GRID2: variants seen among roughly 807,000 people sequenced by gnomAD.
GRID2 encodes the protein glutamate ionotropic receptor delta type subunit 2, also known as glutamate receptor ionotropic, delta-2.
Under a neutral mutation model 114.8 loss-of-function variants are expected in GRID2, and 33 were observed. The observed-to-expected ratio is 0.29, with a 90% CI of 0.22 to 0.38. GRID2 has a LOEUF of 0.38. GRID2 is among the 10% of genes least tolerant of loss of function. The pLI is 1.00. For synonymous variants in GRID2, 505 were observed against 449.9 expected (o/e 1.12, Z -1.55); for missense variants, 1,184 against 1,257.7 (o/e 0.94, Z 0.89).
At chr4:93,537,231 T>C (rs1732180421) in intron 13 of GRID2, among the ~76,000 whole-genome samples, 1 of 151,750 alleles carries the variant, frequency 6.6e-6, no homozygotes, top group Admixed American at 6.6e-5. Context: ...TCTAAGGCTA[T>C]TTTCATTTTC....
At chr4:92,786,859 C>A (rs542655684) in intron 2 of GRID2, among the ~76,000 whole-genome samples, 1 of 151,936 alleles carries the variant, frequency 6.6e-6, no homozygotes, top group East Asian at 1.9e-4. Flanking sequence ...TAACCGAAAG[C>A]TCAATTAAAT....
At chr4:93,169,969 C>A (rs1431245168) in intron 4 of GRID2, among the ~76,000 whole-genome samples, 2 of 152,196 alleles carry the variant, frequency 1.3e-5, no homozygotes, top group African/African-American at 4.8e-5. Context: ...TACAATAACA[C>A]AGGTTTAACT....
At chr4:92,508,283 A>G (rs1018860806) in intron 1 of GRID2, among the ~76,000 whole-genome samples, 1 of 151,980 alleles carries the variant, frequency 6.6e-6, no homozygotes, top group Non-Finnish European at 1.5e-5. Context: ...AACCTTCTAC[A>G]TACCACTCAT....
chr4:92,585,344 T>C (rs1728380157), intron 1 of GRID2, among the ~76,000 whole-genome samples: 1 of 152,036 alleles, frequency 6.6e-6, no homozygotes. Flanking sequence ...ACCTACCATA[T>C]ATAATTTATA....
chr4:93,508,807 A>C (rs910734828), intron 12 of GRID2, among the ~76,000 whole-genome samples: 3 of 152,218 alleles, frequency 2.0e-5, no homozygotes, highest in Non-Finnish European at 2.9e-5. Flanking sequence ...ACAATGCTGA[A>C]ATGTGAACAT....
At chr4:92,666,865 C>T (rs1286199652) in intron 2 of GRID2, among the ~76,000 whole-genome samples, 1 of 151,088 alleles carries the variant, frequency 6.6e-6, no homozygotes, top group Non-Finnish European at 1.5e-5. Flanking sequence ...AAAGAAAATG[C>T]TACTTGGAAC....
At chr4:92,825,518 A>G (rs1191726619) in intron 2 of GRID2, among the ~76,000 whole-genome samples, 1 of 152,166 alleles carries the variant, frequency 6.6e-6, no homozygotes, top group Non-Finnish European at 1.5e-5. Flanking sequence ...AGGCTTCTGC[A>G]GTCTTGTCTG....
chr4:92,949,299 T>C (rs1209695795), intron 2 of GRID2, among the ~76,000 whole-genome samples: 1 of 152,048 alleles, frequency 6.6e-6, no homozygotes, highest in Non-Finnish European at 1.5e-5. Flanking sequence ...AAATTTAAAA[T>C]AAAAATAGGG....
At chr4:93,469,867 A>G (rs2200374) in intron 11 of GRID2, among the ~76,000 whole-genome samples, 36,253 of 152,098 alleles carry the variant, frequency 0.24, 4,763 homozygotes, top group East Asian at 0.57. Flanking sequence ...TAGTTATTGC[A>G]AATAGTTGTA....
chr4:92,502,297 TAAA>T (rs920586524), intron 1 of GRID2, among the ~76,000 whole-genome samples: 9 of 152,088 alleles, frequency 5.9e-5, no homozygotes, highest in Non-Finnish European at 5.9e-5. Context: ...AAAGCTGTAT[TAAA>T]AAGTGTAATT....
intron 14 of GRID2, among the ~76,000 whole-genome samples, chr4:93,705,769 A>G (rs931514893): frequency 2.6e-5 from 4 of 152,120 alleles, no homozygotes; most frequent in African/African-American, 9.7e-5. Flanking sequence ...GACCAATGTT[A>G]TAGAGTTTTT....
chr4:93,260,050 CTG>C (rs1422595113), intron 8 of GRID2, among the ~76,000 whole-genome samples: 1 of 151,616 alleles, frequency 6.6e-6, no homozygotes, highest in African/African-American at 2.4e-5. Flanking sequence ...TGTACAAAAA[CTG>C]TGTCCGCTAT....
intron 1 of GRID2, among the ~76,000 whole-genome samples, chr4:92,529,155 C>T (rs1286159391): frequency 1.3e-5 from 2 of 152,034 alleles, no homozygotes; most frequent in Admixed American, 6.6e-5. Flanking sequence ...ATGTGCTTTA[C>T]AGGACTAATC....
intron 14 of GRID2, among the ~76,000 whole-genome samples, chr4:93,701,993 A>C (rs2110141346): frequency 6.6e-6 from 1 of 152,250 alleles, no homozygotes; most frequent in East Asian, 1.9e-4. Context: ...GCTGTGAGCA[A>C]CTTTAAAAGG....
intron 1 of GRID2, among the ~76,000 whole-genome samples, chr4:92,564,343 T>C (rs946136635): frequency 3.9e-4 from 60 of 152,022 alleles, no homozygotes; most frequent in African/African-American, 1.4e-3. Context: ...TGAAAGCTGA[T>C]TTTAAAAAAA....
chr4:92,544,228 G>T (rs1012177064), intron 1 of GRID2, among the ~76,000 whole-genome samples: 14 of 152,200 alleles, frequency 9.2e-5, no homozygotes, highest in African/African-American at 3.1e-4. Flanking sequence ...TTTTTGCCTG[G>T]TTTTGAAATT....
chr4:93,532,354 C>T (rs1013124045), intron 13 of GRID2, among the ~76,000 whole-genome samples: 2 of 152,226 alleles, frequency 1.3e-5, no homozygotes, highest in East Asian at 1.9e-4. Context: ...TTATTGCTTT[C>T]GCCTTCCATG....
At position 93,395,604 on chromosome 4, in the gene GRID2, C is replaced by T; in HGVS notation, c.1246-3C>T. On this transcript the variant is annotated splice_region_variant and splice_polypyrimidine_tract_variant and intron_variant, in intron 8 of 15. Transcript: ENST00000282020. ...AAATGACCAAAGTTGTCTTATCTTT[C>T]AGCTTGGTTGCTGGAATCCTGTCAC... The T allele has an allele frequency of 7.0e-7, 1 of 1,423,624 alleles. No individual in the cohort carries two copies. The highest frequency in any genetic ancestry group is 9.9e-7 in the Non-Finnish European group (1 of 1,008,650). The allele number at this position is 1,423,624 out of a possible 1,614,324, so 88.2% of individuals were successfully genotyped here.
intron 14 of GRID2, among the ~76,000 whole-genome samples, chr4:93,677,770 A>C (rs1370389911): frequency 6.6e-6 from 1 of 152,138 alleles, no homozygotes; most frequent in African/African-American, 2.4e-5. Flanking sequence ...CCACACCAAA[A>C]ACCCATCTGT....
Sources: allele counts gnomAD v4.1 joint callset (sites outside exome capture counted in the v4.1 genomes callset), GRCh38; gene constraint gnomAD v4.1.1; transcripts MANE v1.5; gene names NCBI Gene and HGNC (gene_info 2026-07-23, HGNC 2026-07-21).